The following BTK variants were observed in gnomAD, a reference collection of about 807,000 sequenced individuals.
The protein encoded by BTK is tyrosine-protein kinase BTK.
A neutral mutation model predicts 57.4 loss-of-function variants in BTK; 5 were observed. The observed-to-expected ratio is 0.09, with a 90% confidence interval of 0.05 to 0.18. The LOEUF (loss-of-function observed/expected upper bound fraction) is 0.18. Among genes scored for constraint, BTK ranks in the 10% least tolerant of loss-of-function variants. BTK has a pLI of 1.00. For missense variants in BTK, 194 were observed against 501.2 expected (o/e 0.39, Z 5.85); for synonymous variants, 154 against 174.3 (o/e 0.88, Z 0.92).
In BTK at chrX:101,362,158, A is replaced by C; in HGVS notation, c.588+15T>G. The C allele has an allele frequency of 8.3e-7, 1 of 1,209,894 alleles. No homozygotes were observed. Among genetic ancestry groups the C allele is most frequent in the Admixed American group, 2.2e-5 (1 of 46,061 alleles). On this transcript the variant is annotated intron_variant, in intron 7 of 18. Coordinates refer to ENST00000308731, the MANE Select transcript of BTK (RefSeq NM_000061.3). ...TTCCATTTAAGCAGTGGCAGCACCCAGTTTCCCTGTATACCTGGTCCTCCT... is the reference window on the plus strand; with the variant it reads ...TTCCATTTAAGCAGTGGCAGCACCCCGTTTCCCTGTATACCTGGTCCTCCT...
At chrX:101,384,719 T>C (rs1317783638) in intron 1 of BTK, among the ~76,000 whole-genome samples, 2 of 112,040 alleles carry the variant, frequency 1.8e-5, no homozygotes, top group African/African-American at 6.5e-5. Flanking sequence ...GGAGTCAGAA[T>C]AGACAGGACA....
intron 1 of BTK, among the ~76,000 whole-genome samples, chrX:101,377,151 A>G: frequency 9.0e-6 from 1 of 111,453 alleles, no homozygotes; most frequent in South Asian, 3.8e-4. Context: ...CCTGGTTTAA[A>G]TGGTCTCTCA....
intron 5 of BTK, chrX:101,362,951 T>G (rs782266599): frequency 8.0e-5 from 32 of 397,709 alleles, no homozygotes; most frequent in Non-Finnish European, 1.4e-4. Flanking sequence ...GACTATCTGA[T>G]GGCTTGAGAG....
At chrX:101,372,637 C>T (rs1459556680) in intron 3 of BTK, among the ~76,000 whole-genome samples, 3 of 107,419 alleles carry the variant, frequency 2.8e-5, no homozygotes, top group Non-Finnish European at 5.8e-5. Context: ...TTAGTAGAGA[C>T]GGGGTTTCAC....
chrX:101,378,502 A>G (rs1555981359), intron 1 of BTK, among the ~76,000 whole-genome samples: 2 of 104,866 alleles, frequency 1.9e-5, no homozygotes, highest in Non-Finnish European at 3.9e-5. Context: ...TGGAAATGGA[A>G]GTGACTTGAA....
At chrX:101,363,893 T>TATC (rs1926754884) in intron 5 of BTK, among the ~76,000 whole-genome samples, 2 of 40,508 alleles carry the variant, frequency 4.9e-5, no homozygotes, top group Non-Finnish European at 7.9e-5. Flanking sequence ...CGCACATTAT[T>TATC]ATTATTATTA....
At chrX:101,387,943 T>C (rs1927672657), upstream of BTK, among the ~76,000 whole-genome samples, 1 of 107,823 alleles carries the variant, frequency 9.3e-6, no homozygotes. Context: ...CTCGGCTCAC[T>C]GCAAGCTCCA....
chrX:101,378,541 AC>A (rs1927298261), intron 1 of BTK, among the ~76,000 whole-genome samples: 1 of 110,301 alleles, frequency 9.1e-6, no homozygotes, highest in African/African-American at 3.3e-5. Flanking sequence ...ACACACACAC[AC>A]ACACACACAC....
Position 101,354,658 on chromosome X carries a change from C to T in BTK, c.1603G>A (p.Val535Ile). The T allele has an allele frequency of 8.3e-7, 1 of 1,211,809 alleles. No homozygotes were observed. Among genetic ancestry groups the T allele is most frequent in the Non-Finnish European group, 1.1e-6 (1 of 895,522 alleles). The change falls in exon 16 of 19, where the codon GTT becomes ATT. Residue 535 changes from valine (V) to isoleucine (I), a missense_variant. This residue lies in a region of BTK where 79 missense variants were observed against 217.7 expected (regional missense o/e 0.36). Transcript: ENST00000308731. ...RNCLVNDQGVVKVSDFGLSRY... is the reference protein window; with the variant it reads ...RNCLVNDQGVIKVSDFGLSRY... ...GACAGGCCGAAATCAGATACTTTAA[C>T]AACTCCTTGATCGTTTACCAAACAG...
At chrX:101,369,760 C>T (rs944499903) in intron 5 of BTK, among the ~76,000 whole-genome samples, 32 of 109,868 alleles carry the variant, frequency 2.9e-4, no homozygotes, top group African/African-American at 9.6e-4. Context: ...ATTTGTCTTT[C>T]TTTCCTCCCT....
chrX:101,361,642 C>T (rs1298312481), intron 7 of BTK, among the ~76,000 whole-genome samples: 2 of 111,469 alleles, frequency 1.8e-5, no homozygotes, highest in East Asian at 2.8e-4. Context: ...CAGCTGGGCA[C>T]GGTGGCTCAC....
chrX:101,387,778 G>A (rs1390700891), upstream of BTK, among the ~76,000 whole-genome samples: 8 of 110,883 alleles, frequency 7.2e-5, no homozygotes, highest in African/African-American at 2.0e-4. Context: ...TATTGACAAC[G>A]TCTATCCTTT....
At chrX:101,388,385 A>G (rs1396178338), upstream of BTK, among the ~76,000 whole-genome samples, 3 of 112,040 alleles carry the variant, frequency 2.7e-5, no homozygotes, top group Non-Finnish European at 5.6e-5. Flanking sequence ...GAAAGACTGT[A>G]CTCAGATAGT....
chrX:101,379,841 ATG>A (rs1927353563), intron 1 of BTK, among the ~76,000 whole-genome samples: 1 of 112,116 alleles, frequency 8.9e-6, no homozygotes, highest in African/African-American at 3.2e-5. Context: ...GCTGGTAAGG[ATG>A]ATCTGTCTCT....
intron 17 of BTK, 112 bp downstream of exon 17, chrX:101,353,758 T>C (rs782177501): frequency 1.3e-5 from 9 of 711,739 alleles, no homozygotes; most frequent in South Asian, 4.3e-5. Context: ...TCCCCAAGGA[T>C]TGGAAGAATG....
At chrX:101,355,310 A>C (rs957772102) in intron 15 of BTK, among the ~76,000 whole-genome samples, 4 of 111,912 alleles carry the variant, frequency 3.6e-5, no homozygotes, top group East Asian at 2.8e-4. Context: ...ACAAACAAAA[A>C]ACAAAGAAGG....
At chrX:101,389,239 A>G (rs1414055913), upstream of BTK, among the ~76,000 whole-genome samples, 6 of 111,782 alleles carry the variant, frequency 5.4e-5, no homozygotes, top group Non-Finnish European at 1.1e-4. Flanking sequence ...CACCTTGAAT[A>G]TAAACAATTT....
At chrX:101,362,850 G>A (rs1935540538) in intron 5 of BTK, 161 bp from the exon 6 acceptor site, 1 of 700,092 alleles carries the variant, frequency 1.4e-6, no homozygotes, top group Non-Finnish European at 2.2e-6. Flanking sequence ...CACATGACTG[G>A]CCTGCCTGAC....
Position 101,356,071 on chromosome X carries a change from T to A in BTK, c.1547A>T (p.Gln516Leu). The A allele has an allele frequency of 8.3e-7, 1 of 1,211,618 alleles. No homozygotes were observed. ...TCCCACCAGGTCTCGGTGAAGGAAC[T>A]GCTTTGACTCCAGGTATTCCATGGC... ...CEAMEYLESK[Q>L]FLHRDLAARN... Residue 516 changes from glutamine to leucine, a missense_variant, in exon 15 of 19, where the codon CAG (glutamine) becomes CTG (leucine). Physicochemically the swap from Gln to Leu is moderately radical, Grantham distance 113 (BLOSUM62 -2). Around this residue, in one of 3 missense-constraint regions of BTK, gnomAD observed 79 missense variants for 217.7 expected, o/e 0.36. Transcript: ENST00000308731.
Sources: gnomAD v4.1 joint callset for allele counts (sites outside exome capture counted in the v4.1 genomes callset) on GRCh38, gnomAD v4.1.1 for gene constraint, gnomAD v4.1.1 regional missense constraint, MANE v1.5 for transcripts, NCBI Gene and HGNC (gene_info 2026-07-23, HGNC 2026-07-21) for gene names.